TCTN1: variants seen among roughly 807,000 people sequenced by gnomAD.
TCTN1 encodes the protein tectonic family member 1.
In TCTN1, 58 loss-of-function variants were observed where a neutral mutation model predicts 65.8. The observed-to-expected ratio is 0.88, with a 90% confidence interval of 0.71 to 1.10. The LOEUF (loss-of-function observed/expected upper bound fraction) is 1.10, where lower values mean the gene tolerates loss of function less well. TCTN1 is among the 50% of genes least tolerant of loss of function. TCTN1 has a pLI of 0.00. For synonymous variants in TCTN1, 273 were observed against 289.1 expected, an observed-to-expected ratio of 0.94 and a Z score of 0.57; for missense variants, 645 against 719.4, an observed-to-expected ratio of 0.90 and a Z score of 1.18.
rs2067473000 is a variant in TCTN1 at position 110,647,913 on chromosome 12, C to A, written c.*1+20C>A. ...TTTGACGTAAGTGAGGAAACTACGC[C>A]CCTCCTCTGAGGTCATCCCCTTTGG... On this transcript the variant is annotated intron_variant, in intron 14 of 14. Coordinates refer to ENST00000397659, the MANE Select transcript of TCTN1 (RefSeq NM_001082538.3). The A allele has an allele frequency of 1.2e-6, 2 of 1,612,252 alleles. No individual in the cohort carries two copies. The highest frequency in any genetic ancestry group is 2.7e-5 in the African/African-American group (2 of 74,882).
At chr12:110,648,644 T>A (rs56324794) in intron 14 of TCTN1, 21,894 of 176,396 alleles carry the variant, frequency 0.12, 2,005 homozygotes, top group African/African-American at 0.27. Flanking sequence ...CAAGGGGATC[T>A]TCCCCCAAAT....
chr12:110,621,161 G>A (rs552526569), intron 2 of TCTN1, among the ~76,000 whole-genome samples: 4 of 152,200 alleles, frequency 2.6e-5, no homozygotes, highest in African/African-American at 9.6e-5. Flanking sequence ...TTCAGGATGG[G>A]ACCAACTTAG....
chr12:110,647,208 C>T lies in TCTN1; in HGVS notation c.1507C>T (p.Gln503Ter). The change falls in exon 13 of 15, where the codon CAG (glutamine) becomes TAG (stop). Residue 503 changes from glutamine (Q) to a stop codon, truncating the protein, a stop_gained. Coordinates refer to ENST00000397659, the MANE Select transcript of TCTN1 (RefSeq NM_001082538.3). LOFTEE classifies it high-confidence loss of function. The stretch of plus-strand genomic sequence containing the variant: ...AATGGATTAACAGCATTTTGTTTTG[C>T]AGGATTCCTGCCAGCTCCCAGGGGC... ...QSFNRKHFVLQDSCQLPGALV... is the reference protein window; with the variant it reads ...QSFNRKHFVL 1 of 1,614,154 alleles carries T rather than the reference C, an allele frequency of 6.2e-7. No individual in the cohort carries two copies. Among genetic ancestry groups the T allele is most frequent in the Non-Finnish European group, 8.5e-7 (1 of 1,180,030 alleles).
chr12:110,630,556 A>G (rs2066165653), intron 4 of TCTN1, among the ~76,000 whole-genome samples: 2 of 152,246 alleles, frequency 1.3e-5, no homozygotes, highest in South Asian at 2.1e-4. Context: ...TAAAAGCAAC[A>G]TGTACTAGTT....
chr12:110,614,406 G>A lies in TCTN1; in HGVS notation c.220+4G>A. The A allele has an allele frequency of 1.3e-6, 2 of 1,590,542 alleles. No individual in the cohort carries two copies. Among genetic ancestry groups the A allele is most frequent in the Non-Finnish European group, 1.7e-6 (2 of 1,168,666 alleles). On this transcript the variant is annotated splice_donor_region_variant and intron_variant, in intron 1 of 14. Transcript: ENST00000397659. ...AGGCCTACCCCAGTCACGGACGGTGGGTACCATGTGCCAGCTCCTGGAGTC... is the reference window on the plus strand; with the variant it reads ...AGGCCTACCCCAGTCACGGACGGTGAGTACCATGTGCCAGCTCCTGGAGTC...
chr12:110,636,395 C>G (rs187672948), intron 6 of TCTN1, 86 bp from the exon 7 acceptor site: 1 of 920,184 alleles, frequency 1.1e-6, no homozygotes, highest in Admixed American at 1.9e-5. Flanking sequence ...GATGAATATA[C>G]TCTTCAACTC....
chr12:110,638,150 T>A (rs1406166298), intron 7 of TCTN1, among the ~76,000 whole-genome samples: 1 of 152,132 alleles, frequency 6.6e-6, no homozygotes, highest in Non-Finnish European at 1.5e-5. Flanking sequence ...GACAGGGATC[T>A]AGGTGGTCTG....
chr12:110,641,742 C>G (rs762691009), intron 10 of TCTN1, 115 bp downstream of exon 10: 41 of 1,085,208 alleles, frequency 3.8e-5, no homozygotes, highest in Non-Finnish European at 4.8e-5. Context: ...AGAGAGCAGT[C>G]CAGGCCGAGC....
At chr12:110,625,428 G>T (rs960419461) in intron 2 of TCTN1, among the ~76,000 whole-genome samples, 11 of 152,074 alleles carry the variant, frequency 7.2e-5, no homozygotes, top group African/African-American at 2.7e-4. Flanking sequence ...TGGCCCAAAT[G>T]CAAAATATTT....
intron 13 of TCTN1, 169 bp downstream of exon 13, chr12:110,647,505 C>T: frequency 9.8e-7 from 1 of 1,023,516 alleles, no homozygotes; most frequent in Non-Finnish European, 1.4e-6. Flanking sequence ...GTTCTACTTA[C>T]ATTAGCATTC....
chr12:110,629,032 G>A, intron 4 of TCTN1, 114 bp downstream of exon 4: 2 of 1,234,490 alleles, frequency 1.6e-6, no homozygotes, highest in Non-Finnish European at 2.3e-6. Flanking sequence ...TGATATTATA[G>A]ACTAAAAAAC....
intron 3 of TCTN1, among the ~76,000 whole-genome samples, chr12:110,627,362 G>C (rs555423138): frequency 2.6e-5 from 4 of 152,266 alleles, no homozygotes; most frequent in South Asian, 4.1e-4. Context: ...CTCTCAAAAT[G>C]CCGAGATTAC....
intron 4 of TCTN1, chr12:110,629,857 A>C (rs2066114229): frequency 6.6e-6 from 1 of 152,228 alleles, no homozygotes; most frequent in Non-Finnish European, 1.5e-5. Flanking sequence ...TCCATCAGTG[A>C]TAGACTGGGT....
In TCTN1 at chr12:110,640,936, A is replaced by T; in HGVS notation, c.979-88A>T. Reference sequence around the variant, plus strand: ...TCAACACATGGAGAAACAGGGAAAGATTTGCTATCTATGGGTGTTTTCAGT... The same window carrying T: ...TCAACACATGGAGAAACAGGGAAAGTTTTGCTATCTATGGGTGTTTTCAGT... On this transcript the variant is annotated intron_variant, in intron 8 of 14. Transcript: ENST00000397659. This position sits in a 1 kb window ranked among gnomAD's most constrained non-coding sequence, Gnocchi z 4.9. 6.3e-7 allele frequency: 1 copy of T among 1,577,356 alleles called. No homozygotes were observed. The highest frequency in any genetic ancestry group is 8.7e-7 in the Non-Finnish European group (1 of 1,149,930).
chr12:110,644,772 G>C lies in TCTN1; in HGVS notation c.1332-195G>C. ...CTCACTCCTGTAGTCCCAGCACTCT[G>C]GGAGGATTGCATGAGCCCAGGAGTT... is the stretch of plus-strand genomic sequence containing the variant. On this transcript the variant is annotated intron_variant, in intron 11 of 14. Coordinates refer to ENST00000397659, the MANE Select transcript of TCTN1 (RefSeq NM_001082538.3). This position sits in a 1 kb window ranked among gnomAD's most constrained non-coding sequence, Gnocchi z 4.6. The C allele has an allele frequency of 1.5e-6, 1 of 675,790 alleles. No homozygotes were observed. Among genetic ancestry groups the C allele is most frequent in the Non-Finnish European group, 2.6e-6 (1 of 388,026 alleles). The allele number at this position is 675,790 out of a possible 1,614,324, so 41.9% of individuals were successfully genotyped here.
intron 12 of TCTN1, chr12:110,646,051 C>T (rs888612421): frequency 1.3e-5 from 2 of 152,272 alleles, no homozygotes; most frequent in Non-Finnish European, 2.9e-5. Context: ...GTTATTACTC[C>T]TCCTCAGAAG....
At chr12:110,615,264 G>A (rs1241569638) in intron 1 of TCTN1, among the ~76,000 whole-genome samples, 1 of 151,764 alleles carries the variant, frequency 6.6e-6, no homozygotes, top group African/African-American at 2.4e-5. Context: ...GAGCAAGACT[G>A]TCTCAAAAAA....
intron 10 of TCTN1, chr12:110,641,904 C>T (rs1186466620): frequency 3.6e-6 from 2 of 554,500 alleles, no homozygotes; most frequent in Non-Finnish European, 6.3e-6. Context: ...TGCCATTAAG[C>T]CACAAAATAT....
At position 110,644,319 on chromosome 12, in the gene TCTN1, T is replaced by C. The variant is rs1400339107; in HGVS notation, c.1332-648T>C. 1 of 156,660 alleles carries C rather than the reference T, an allele frequency of 6.4e-6. No homozygotes were observed. 9.7% of individuals were successfully genotyped at this position (156,660 alleles called of 1,614,324 possible). A position where few individuals can be genotyped will look rare whatever the true frequency, so the allele number is the denominator to read the frequency against. On this transcript the variant is annotated intron_variant, in intron 11 of 14. Transcript: ENST00000397659. The surrounding 1 kb of genome is among the most constrained non-coding windows in gnomAD (Gnocchi z 4.6). ...AGATTTTGCAAAGTTAGAGACTCTT[T>C]AGCTTCTGTCAGATAATCCCTCATT...
Sources: allele counts gnomAD v4.1 joint callset (sites outside exome capture counted in the v4.1 genomes callset), GRCh38; gene constraint gnomAD v4.1.1; non-coding constraint Gnocchi (gnomAD v3.1); transcripts MANE v1.5; gene names NCBI Gene and HGNC (gene_info 2026-07-23, HGNC 2026-07-21).